MARCHF1: variants seen among roughly 807,000 people sequenced by gnomAD.
The protein encoded by MARCHF1 is membrane associated ring-CH-type finger 1.
In MARCHF1, 40 loss-of-function variants were observed where a neutral mutation model predicts 54.2. The ratio of observed to expected loss-of-function variants is 0.74; its 90% CI spans 0.57 to 0.96. MARCHF1 has a LOEUF of 0.96. Among genes scored for constraint, MARCHF1 ranks in the 40% least tolerant of loss-of-function variants. MARCHF1 has a pLI of 0.00. For synonymous variants in MARCHF1, 236 were observed against 236.3 expected, an observed-to-expected ratio of 1.00 and a Z score of 0.01; for missense variants, 586 against 656.5, an observed-to-expected ratio of 0.89 and a Z score of 1.17.
rs945505161 is a variant in MARCHF1 at position 163,961,656 on chromosome 4, G to A, written c.-39+26845C>T. 3.3e-5 allele frequency among the ~76,000 whole-genome samples: 5 copies of A among 151,970 alleles called. No individual in the cohort carries two copies. The South Asian group carries it at 1.0e-3, about 32-fold the overall frequency. On this transcript the variant is annotated intron_variant, in intron 3 of 9. Transcript: ENST00000514618. ...GACACTCAACTGTCATGGTTGACAG[G>A]CTTGCTTATTATTCTTTCTTAGTAA...
chr4:163,589,936 T>C (rs1298434947), intron 7 of MARCHF1, among the ~76,000 whole-genome samples: 1 of 152,194 alleles, frequency 6.6e-6, no homozygotes, highest in East Asian at 1.9e-4. Flanking sequence ...TGCAATCCAG[T>C]CAGCATATGT....
chr4:163,926,575 T>C (rs765966358), intron 3 of MARCHF1, among the ~76,000 whole-genome samples: 2 of 151,646 alleles, frequency 1.3e-5, no homozygotes, highest in Non-Finnish European at 3.0e-5. Context: ...AAAATGGTTT[T>C]ATCAATTTAC....
intron 1 of MARCHF1, among the ~76,000 whole-genome samples, chr4:164,158,133 A>T (rs943848737): frequency 1.2e-4 from 18 of 152,272 alleles, no homozygotes; most frequent in East Asian, 3.9e-4. Context: ...ATATTTTTTT[A>T]AAAAAACTTC....
intron 1 of MARCHF1, chr4:164,197,599 G>C: frequency 6.2e-7 from 1 of 1,613,142 alleles, no homozygotes; most frequent in Non-Finnish European, 8.5e-7. Context: ...AAATTCATCT[G>C]TGAGGGCTTC....
intron 4 of MARCHF1, among the ~76,000 whole-genome samples, chr4:163,841,640 C>G (rs529038459): frequency 6.6e-6 from 1 of 152,122 alleles, no homozygotes; most frequent in East Asian, 1.9e-4. Context: ...TTGGATAGTT[C>G]TAGTTTGTCT....
At chr4:163,551,970 C>T (rs537670333) in intron 8 of MARCHF1, among the ~76,000 whole-genome samples, 2 of 152,232 alleles carry the variant, frequency 1.3e-5, no homozygotes, top group East Asian at 3.9e-4. Context: ...TAATATAAGT[C>T]CCTTTACAGA....
intron 8 of MARCHF1, chr4:163,555,911 C>G (rs1739269687): frequency 2.2e-6 from 1 of 456,010 alleles, no homozygotes; most frequent in Admixed American, 2.4e-5. Flanking sequence ...CTCTCTGTGC[C>G]TAAGTGATCA....
chr4:163,811,595 C>T (rs186758687), intron 4 of MARCHF1, among the ~76,000 whole-genome samples: 16 of 152,058 alleles, frequency 1.1e-4, no homozygotes, highest in East Asian at 3.9e-4. Context: ...ATCCAATTTC[C>T]GATGCCTTGG....
chr4:163,728,418 A>C (rs554274921), intron 4 of MARCHF1, among the ~76,000 whole-genome samples: 1 of 152,258 alleles, frequency 6.6e-6, no homozygotes, highest in East Asian at 1.9e-4. Context: ...AACAATATTA[A>C]GTTTTCTCAT....
chr4:163,666,062 A>T (rs1743522068), intron 5 of MARCHF1, among the ~76,000 whole-genome samples: 1 of 152,130 alleles, frequency 6.6e-6, no homozygotes, highest in Non-Finnish European at 1.5e-5. Flanking sequence ...ACTGTTAAGC[A>T]TTGTATATAC....
At chr4:163,842,786 C>G (rs1749377738) in intron 4 of MARCHF1, among the ~76,000 whole-genome samples, 1 of 152,074 alleles carries the variant, frequency 6.6e-6, no homozygotes, top group Admixed American at 6.6e-5. Flanking sequence ...GTTTCATTCC[C>G]AAAGAATTTG....
intron 1 of MARCHF1, among the ~76,000 whole-genome samples, chr4:164,314,320 T>C (rs1734942454): frequency 1.3e-5 from 2 of 152,212 alleles, no homozygotes; most frequent in Admixed American, 1.3e-4. Flanking sequence ...CTGCAAACAA[T>C]TAAATGAATC....
chr4:164,004,309 CAATAAT>C (rs1003889623), intron 2 of MARCHF1, among the ~76,000 whole-genome samples: 3 of 151,360 alleles, frequency 2.0e-5, no homozygotes, highest in African/African-American at 7.3e-5. Flanking sequence ...TACAATGAAA[CAATAAT>C]AATAATTTAT....
At chr4:164,337,412 G>T (rs1021337479) in intron 1 of MARCHF1, among the ~76,000 whole-genome samples, 23 of 152,254 alleles carry the variant, frequency 1.5e-4, no homozygotes, top group African/African-American at 5.5e-4. Flanking sequence ...TCTGCCCACA[G>T]GGAGAAGTGA....
At chr4:164,327,417 C>T (rs1312597458) in intron 1 of MARCHF1, among the ~76,000 whole-genome samples, 1 of 152,132 alleles carries the variant, frequency 6.6e-6, no homozygotes, top group Non-Finnish European at 1.5e-5. Flanking sequence ...AGGAGAATTA[C>T]AACTCCTTTT....
rs562682354 is a variant in MARCHF1 at position 164,218,493 on chromosome 4, A to G, written c.-322-106831T>C. Among the ~76,000 whole-genome samples, 4 of 152,252 alleles carry G rather than the reference A, an allele frequency of 2.6e-5. No individual in the cohort carries two copies. In the South Asian group the frequency reaches 8.3e-4, roughly 32 times the overall value. On this transcript the variant is annotated intron_variant, in intron 1 of 9. Coordinates refer to ENST00000514618, the MANE Select transcript of MARCHF1 (RefSeq NM_001394959.1). ...AAGGAATAGGAAGAAAATGTGTCAC[A>G]TATACACCATAGAATACTATGCAGC...
chr4:164,079,835 T>C (rs984618699), intron 2 of MARCHF1, among the ~76,000 whole-genome samples: 1 of 152,160 alleles, frequency 6.6e-6, no homozygotes, highest in Non-Finnish European at 1.5e-5. Context: ...AGTAGCATAG[T>C]TTTCTGTAAT....
intron 5 of MARCHF1, among the ~76,000 whole-genome samples, chr4:163,698,591 A>G (rs1744706976): frequency 6.6e-6 from 1 of 152,176 alleles, no homozygotes; most frequent in African/African-American, 2.4e-5. Flanking sequence ...TGTCTCCCAC[A>G]CAGAAGTACA....
chr4:163,886,149 G>T (rs193116233), intron 3 of MARCHF1, among the ~76,000 whole-genome samples: 17 of 148,672 alleles, frequency 1.1e-4, no homozygotes, highest in African/African-American at 4.0e-4. Context: ...CTATAAATAT[G>T]TAGATCTATA....
Sources: gnomAD v4.1 joint callset for allele counts (sites outside exome capture counted in the v4.1 genomes callset) on GRCh38, gnomAD v4.1.1 for gene constraint, MANE v1.5 for transcripts, NCBI Gene and HGNC (gene_info 2026-07-23, HGNC 2026-07-21) for gene names.